Variants in DEAF1 observed in about 807,000 individuals in gnomAD.
DEAF1 encodes deformed epidermal autoregulatory factor 1 homolog.
Under a neutral mutation model 58.9 loss-of-function variants are expected in DEAF1, and 53 were observed. The ratio of observed to expected loss-of-function variants is 0.90; its 90% CI spans 0.72 to 1.13. The LOEUF (loss-of-function observed/expected upper bound fraction) is 1.13, where lower values mean the gene tolerates loss of function less well. Ranked by LOEUF, DEAF1 falls within the 50% of genes most tolerant of loss-of-function variation. The probability of loss-of-function intolerance (pLI) is 0.00; values close to 1 mark genes in which losing one functional copy is unlikely to be tolerated. For synonymous variants in DEAF1, 385 were observed against 340.4 expected (o/e 1.13, Z -1.44); for missense variants, 685 against 791.4 (o/e 0.87, Z 1.61).
intron 10 of DEAF1, chr11:673,957 G>A (rs1859941878): frequency 5.8e-6 from 1 of 173,288 alleles, no homozygotes; most frequent in Non-Finnish European, 1.2e-5. Context: ...CATATGAAAA[G>A]AGGCCGAAGG....
upstream of DEAF1, chr11:698,957 G>T (rs1385491397): frequency 6.3e-6 from 10 of 1,591,162 alleles, no homozygotes; most frequent in Non-Finnish European, 8.6e-6. Context: ...GAGAGCACTC[G>T]GCCTCACCCC....
At chr11:683,928 G>A (rs1312487167) in intron 6 of DEAF1, among the ~76,000 whole-genome samples, 1 of 152,258 alleles carries the variant, frequency 6.6e-6, no homozygotes, top group Non-Finnish European at 1.5e-5. Flanking sequence ...TGGGACCGAC[G>A]TCTCCTCCCG....
chr11:683,767 T>A (rs911961126), intron 6 of DEAF1, among the ~76,000 whole-genome samples: 2 of 152,208 alleles, frequency 1.3e-5, no homozygotes, highest in African/African-American at 4.8e-5. Context: ...GGACGTCTTT[T>A]GACGTATTTC....
chr11:653,866 G>A, intron 11 of DEAF1, 96 bp downstream of exon 11: 1 of 1,072,574 alleles, frequency 9.3e-7, no homozygotes, highest in Non-Finnish European at 1.4e-6. Flanking sequence ...GGAGTCAGGT[G>A]TGGCACCAGG....
At chr11:704,532 A>C (rs1861635527) in intron 1 of DEAF1, 1 of 1,289,302 alleles carries the variant, frequency 7.8e-7, no homozygotes, top group Non-Finnish European at 1.0e-6. Context: ...CAGCGCCTGC[A>C]CTCGCAGAAG....
intron 1 of DEAF1, chr11:705,060 G>A (rs1477407714): frequency 4.5e-6 from 1 of 220,776 alleles, no homozygotes; most frequent in African/African-American, 2.3e-5. Context: ...TCAGGGGCAG[G>A]CACTGGGCCC....
At chr11:678,440 G>A (rs956698961) in intron 9 of DEAF1, 5 of 441,520 alleles carry the variant, frequency 1.1e-5, no homozygotes, top group Non-Finnish European at 2.1e-5. Flanking sequence ...AGGCCAACTG[G>A]TTTCTAGGGG....
intron 1 of DEAF1, among the ~76,000 whole-genome samples, chr11:701,435 G>C (rs1421687395): frequency 2.8e-5 from 3 of 108,240 alleles, no homozygotes; most frequent in South Asian, 3.3e-4. Flanking sequence ...TTTTGAGACA[G>C]AGTCTCGCTC....
At chr11:678,855 G>C (rs1454797753) in intron 8 of DEAF1, 33 bp from the exon 9 acceptor site, 33 of 1,612,164 alleles carry the variant, frequency 2.0e-5, no homozygotes, top group Non-Finnish European at 2.8e-5. Flanking sequence ...GGAGGCTCGG[G>C]ATGGTTGTCC....
chr11:688,215 A>G lies in DEAF1; in HGVS notation c.517+116T>C, dbSNP rs1860680664. 3 of 1,515,860 alleles carry G rather than the reference A, an allele frequency of 2.0e-6. No individual in the cohort carries two copies. Among genetic ancestry groups the G allele is most frequent in the Non-Finnish European group, 2.7e-6 (3 of 1,119,200 alleles). 93.9% of individuals were successfully genotyped at this position (1,515,860 alleles called of 1,614,324 possible). ...CAATGCTTTTACTTAAAATCTATTAATAGATGATATTCCAAATTTACCACA... is the reference window on the plus strand; with the variant it reads ...CAATGCTTTTACTTAAAATCTATTAGTAGATGATATTCCAAATTTACCACA... On this transcript the variant is annotated intron_variant, in intron 3 of 11. Transcript: ENST00000382409. This position sits in a 1 kb window ranked among gnomAD's most constrained non-coding sequence, Gnocchi z 4.3.
At chr11:703,014 C>T in intron 1 of DEAF1, 1 of 1,612,496 alleles carries the variant, frequency 6.2e-7, no homozygotes, top group Non-Finnish European at 8.5e-7. Flanking sequence ...GCTGGCACCG[C>T]CCTCCTCTCT....
In DEAF1 at chr11:701,906, T is replaced by C. The variant is rs114380572; in HGVS notation, c.-438+4666A>G. Among the ~76,000 whole-genome samples the C allele has an allele frequency of 6.5e-3, 988 of 152,328 alleles. 8 individuals are homozygous for C. Among genetic ancestry groups the C allele is most frequent in the African/African-American group, 0.022 (907 of 41,568 alleles). On this transcript the variant is annotated intron_variant, in intron 1 of 11. Transcript: ENST00000683307. ...AAATTCGCCCTCCCCAGAGCTCACC[T>C]CTGTGGCCAGCGGGGTGCAGACTTC...
intron 1 of DEAF1, chr11:700,930 C>G: frequency 3.4e-6 from 2 of 590,092 alleles, no homozygotes; most frequent in Non-Finnish European, 6.1e-6. Flanking sequence ...GGGAGAGACT[C>G]TGTGTTTGGA....
chr11:648,868 AAAG>A (rs767101524), intron 11 of DEAF1, among the ~76,000 whole-genome samples: 7 of 152,258 alleles, frequency 4.6e-5, no homozygotes, highest in Non-Finnish European at 8.8e-5. Flanking sequence ...ATTTAACAGA[AAAG>A]AAGGCAGTGA....
chr11:648,257 C>G (rs113752721), intron 11 of DEAF1, among the ~76,000 whole-genome samples: 1 of 148,392 alleles, frequency 6.7e-6, no homozygotes, highest in African/African-American at 2.5e-5. Flanking sequence ...TGCTGTGGCA[C>G]GATCTCGGCT....
intron 10 of DEAF1, among the ~76,000 whole-genome samples, chr11:660,929 G>A (rs2133317615): frequency 6.6e-6 from 1 of 152,308 alleles, no homozygotes; most frequent in Admixed American, 6.5e-5. Flanking sequence ...CGGCTGCTCT[G>A]GGGTCTGTCT....
intron 10 of DEAF1, among the ~76,000 whole-genome samples, chr11:667,439 G>A (rs900208844): frequency 4.4e-4 from 42 of 95,300 alleles, no homozygotes; most frequent in African/African-American, 3.3e-3. Flanking sequence ...AGGAAAGGAA[G>A]GAAGGAAGGA....
intron 10 of DEAF1, chr11:674,210 TA>T: frequency 2.7e-6 from 1 of 370,302 alleles, no homozygotes; most frequent in Middle Eastern, 9.2e-4. Context: ...TCATAAAATA[TA>T]AGCACATTTC....
At chr11:655,412 G>A (rs547456375) in intron 10 of DEAF1, among the ~76,000 whole-genome samples, 5 of 152,350 alleles carry the variant, frequency 3.3e-5, no homozygotes, top group South Asian at 2.1e-4. Flanking sequence ...TAATGTTTGC[G>A]GCATGACTAA....
Sources: gnomAD v4.1 joint callset for allele counts (sites outside exome capture counted in the v4.1 genomes callset) on GRCh38, gnomAD v4.1.1 for gene constraint, Gnocchi (gnomAD v3.1) non-coding constraint, MANE v1.5 for transcripts, NCBI Gene and HGNC (gene_info 2026-07-23, HGNC 2026-07-21) for gene names.